Variants in ZNF91 observed in about 807,000 individuals in gnomAD.
ZNF91 encodes the protein zinc finger protein 91 (HPF7, HTF10).
ZNF91 carries 7 observed loss-of-function variants against 12.6 expected under a neutral mutation model. The observed-to-expected ratio is 0.55, with a 90% CI of 0.31 to 1.04. The LOEUF (loss-of-function observed/expected upper bound fraction) is 1.04, where lower values mean the gene tolerates loss of function less well. ZNF91 is among the 50% of genes least tolerant of loss of function. The probability of loss-of-function intolerance (pLI) is 0.05; values close to 1 mark genes in which losing one functional copy is unlikely to be tolerated. For missense variants in ZNF91, 1,217 were observed against 1,385.4 expected (o/e 0.88, Z 1.93); for synonymous variants, 453 against 462.6 (o/e 0.98, Z 0.27).
intron 1 of ZNF91, among the ~76,000 whole-genome samples, chr19:23,309,642 A>G (rs1006528848): frequency 6.6e-6 from 1 of 152,134 alleles, no homozygotes; most frequent in African/African-American, 2.4e-5. Flanking sequence ...TTTGACATAT[A>G]TATTGGCTCA....
At chr19:23,324,517 G>GTATATA (rs56820524) in intron 1 of ZNF91, 1 of 148,418 alleles carries the variant, frequency 6.7e-6, no homozygotes, top group African/African-American at 2.5e-5. Context: ...AGGCGGCCAA[G>GTATATA]TATATATATA....
chr19:23,369,417 G>A (rs1306312044), intron 3 of ZNF91, among the ~76,000 whole-genome samples: 4 of 151,896 alleles, frequency 2.6e-5, no homozygotes, highest in Non-Finnish European at 4.4e-5. Context: ...CCGCTGCCCC[G>A]TCCGGGAGGT....
In ZNF91 at chr19:23,316,466, C is replaced by T. The variant is rs774299867; in HGVS notation, n.117-7369G>A. ...GGCTTATTACTGAGGTGAGGTGACT[C>T]TGCAGCCTGCACCCTGCAGGGGTTG... On this transcript the variant is annotated intron_variant and non_coding_transcript_variant, in intron 1 of 1. Coordinates refer to the ZNF91 transcript ENST00000596528. 2.0e-5 allele frequency among the ~76,000 whole-genome samples: 3 copies of T among 152,280 alleles called. No individual in the cohort carries two copies. The East Asian group carries it at 5.8e-4, about 29-fold the overall frequency.
chr19:23,327,588 T>C (rs1967861036), intron 1 of ZNF91: 1 of 152,232 alleles, frequency 6.6e-6, no homozygotes, highest in Non-Finnish European at 1.5e-5. Flanking sequence ...GCTTACATGC[T>C]AACTAGTATT....
intron 3 of ZNF91, chr19:23,339,590 A>G (rs190128216): frequency 6.6e-6 from 1 of 152,198 alleles, no homozygotes; most frequent in Non-Finnish European, 1.5e-5. Flanking sequence ...AGAAACTATA[A>G]ATTTACAAAG....
chr19:23,337,444 A>T (rs1237750515), downstream of ZNF91, among the ~76,000 whole-genome samples: 4 of 150,676 alleles, frequency 2.7e-5, no homozygotes, highest in Non-Finnish European at 4.4e-5. Context: ...ACATGGCCCT[A>T]TGCAATAAAC....
Position 23,376,476 on chromosome 19 carries a change from G to T in ZNF91, c.31-1712C>A, listed in dbSNP as rs868568136. On this transcript the variant is annotated intron_variant, in intron 1 of 3. Coordinates refer to ENST00000300619, the MANE Select transcript of ZNF91 (RefSeq NM_003430.4). Reference sequence around the variant, plus strand: ...ACGATCTCGGCTCACCACAAGCTCTGCCTCCCGGGTTCAAGCAATTCTCCT... The same window carrying T: ...ACGATCTCGGCTCACCACAAGCTCTTCCTCCCGGGTTCAAGCAATTCTCCT... Among the ~76,000 whole-genome samples, 84 of 150,736 alleles carry T rather than the reference G, an allele frequency of 5.6e-4. 5 individuals are homozygous for T. The highest frequency in any genetic ancestry group is 1.2e-4 in the Non-Finnish European group (8 of 67,892).
intron 3 of ZNF91, among the ~76,000 whole-genome samples, chr19:23,341,517 G>C (rs185485918): frequency 1.1e-3 from 171 of 151,864 alleles, no homozygotes; most frequent in Non-Finnish European, 1.8e-3. Flanking sequence ...AAAATTCAAA[G>C]CAAAAGCAAG....
chr19:23,385,849 T>C (rs1969850778), intron 1 of ZNF91, among the ~76,000 whole-genome samples: 1 of 152,208 alleles, frequency 6.6e-6, no homozygotes, highest in Non-Finnish European at 1.5e-5. Flanking sequence ...CTATATATTA[T>C]ATCTACATTG....
chr19:23,359,732 A>G lies in ZNF91; in HGVS notation c.3247T>C (p.Cys1083Arg). Residue 1083 changes from cysteine to arginine, a missense_variant, in exon 4 of 4, where the codon TGT (cysteine) becomes CGT (arginine). Around this residue, in one of 2 missense-constraint regions of ZNF91, gnomAD observed 491 missense variants for 489.8 expected, o/e 1.00. Transcript: ENST00000300619. ...GAAGATTGGCTAAATGCTTTGCCAC[A>G]TTCTTCACATTTGTAGGGTTTCTCT... ...TREKPYKCEE[C>R]GKAFSQSSTL... 1.9e-6 allele frequency: 3 copies of G among 1,614,118 alleles called. No homozygotes were observed. The South Asian group carries it at 3.3e-5, about 18-fold the overall frequency.
intron 1 of ZNF91, among the ~76,000 whole-genome samples, chr19:23,309,553 A>G: frequency 6.6e-6 from 1 of 152,128 alleles, no homozygotes; most frequent in Non-Finnish European, 1.5e-5. Context: ...CCCTTCTTTC[A>G]GAAAAGTTTG....
upstream of ZNF91, chr19:23,310,694 C>T (rs1967456590): frequency 6.6e-6 from 1 of 152,146 alleles, no homozygotes; most frequent in East Asian, 1.9e-4. Context: ...TCACTGAACC[C>T]AGTAGCTAGG....
At position 23,358,192 on chromosome 19, in the gene ZNF91, C is replaced by T. The variant is rs1290657776; in HGVS notation, c.*1211G>A. The T allele has an allele frequency of 6.6e-6, 1 of 152,050 alleles. No individual in the cohort carries two copies. Among genetic ancestry groups the T allele is most frequent in the Non-Finnish European group, 1.5e-5 (1 of 67,998 alleles). The allele number at this position is 152,050 out of a possible 1,614,324, so 9.4% of individuals were successfully genotyped here. A position where few individuals can be genotyped will look rare whatever the true frequency, so the allele number is the denominator to read the frequency against. On this transcript the variant is annotated 3_prime_UTR_variant, in exon 4 of 4. Coordinates refer to ENST00000300619, the MANE Select transcript of ZNF91 (RefSeq NM_003430.4). ...CATGATAGTATTTAACATGTTAAAA[C>T]TGTTTGGTTGAAAAGTTCACATGCA... is the stretch of plus-strand genomic sequence containing the variant.
chr19:23,374,388 CAAAAA>C (rs34706703), intron 2 of ZNF91, among the ~76,000 whole-genome samples: 7 of 88,226 alleles, frequency 7.9e-5, no homozygotes, highest in East Asian at 5.7e-4. Context: ...CTAAAAATAC[CAAAAA>C]AAAAAAAAAA....
At chr19:23,323,470 C>A (rs1967756796) in intron 1 of ZNF91, among the ~76,000 whole-genome samples, 1 of 126,194 alleles carries the variant, frequency 7.9e-6, no homozygotes, top group Non-Finnish European at 1.6e-5. Context: ...TCTCTGTCCT[C>A]TTCTCCTCCG....
rs1312753172 is a variant in ZNF91, at chr19:23,310,397, TC to T, written n.16+150del. Among the ~76,000 whole-genome samples the T allele has an allele frequency of 2.0e-5, 3 of 152,264 alleles. No individual in the cohort carries two copies. The East Asian group carries it at 5.8e-4, about 29-fold the overall frequency. On this transcript the variant is annotated intron_variant and non_coding_transcript_variant, in intron 1 of 3. Transcript: ENST00000593292. ...CACAGGTTGACTGCTGTCTCTCAGATCAAAATCTAGCACACCTGTGAGACTG... is the reference window on the plus strand; with the variant it reads ...CACAGGTTGACTGCTGTCTCTCAGATAAAATCTAGCACACCTGTGAGACTG...
At chr19:23,326,109 ATTTACTC>A (rs1967832726) in intron 1 of ZNF91, 1 of 152,086 alleles carries the variant, frequency 6.6e-6, no homozygotes, top group South Asian at 2.1e-4. Flanking sequence ...AGCAAAGAAT[ATTTACTC>A]TTTACTCTTC....
chr19:23,322,104 C>T (rs1967708511), intron 1 of ZNF91, among the ~76,000 whole-genome samples: 1 of 152,202 alleles, frequency 6.6e-6, no homozygotes, highest in African/African-American at 2.4e-5. Context: ...TCCTCTCATG[C>T]ATCGTCCCTG....
chr19:23,308,352 G>A (rs1306489900), intron 2 of ZNF91: 1 of 152,118 alleles, frequency 6.6e-6, no homozygotes, highest in Non-Finnish European at 1.5e-5. Context: ...TTTCATACAG[G>A]GGGCATTTTG....
Sources: allele counts gnomAD v4.1 joint callset (sites outside exome capture counted in the v4.1 genomes callset), GRCh38; gene constraint gnomAD v4.1.1; regional missense constraint gnomAD v4.1.1; transcripts MANE v1.5; gene names NCBI Gene and HGNC (gene_info 2026-07-23, HGNC 2026-07-21).